RAD51C: variants seen among roughly 807,000 people sequenced by gnomAD.
RAD51C encodes RAD51 paralog C.
RAD51C carries 42 observed loss-of-function variants against 45.0 expected under a neutral mutation model. The ratio of observed to expected loss-of-function variants is 0.93; its 90% CI spans 0.73 to 1.21. The LOEUF is 1.21. Among genes scored for constraint, RAD51C ranks in the 50% most tolerant of loss-of-function variants. The pLI is 0.00. For synonymous variants in RAD51C, 172 were observed against 159.8 expected, an observed-to-expected ratio of 1.08 and a Z score of -0.58; for missense variants, 474 against 452.2, an observed-to-expected ratio of 1.05 and a Z score of -0.44.
intron 7 of RAD51C, among the ~76,000 whole-genome samples, chr17:58,729,729 A>G (rs936535547): frequency 6.6e-6 from 1 of 150,524 alleles, no homozygotes; most frequent in African/African-American, 2.4e-5. Context: ...GCGCCACCAC[A>G]CTTGGCTAAC....
chr17:58,696,200 A>G (rs2047999540), intron 2 of RAD51C, among the ~76,000 whole-genome samples: 1 of 152,188 alleles, frequency 6.6e-6, no homozygotes, highest in Middle Eastern at 3.2e-3. Context: ...TGGGAGGCCA[A>G]GGCAGGCAGA....
chr17:58,730,133 A>G (rs2049354315), intron 7 of RAD51C, among the ~76,000 whole-genome samples: 3 of 151,852 alleles, frequency 2.0e-5, no homozygotes, highest in South Asian at 2.1e-4. Flanking sequence ...GGGAATTATA[A>G]AAGTTTATAA....
At chr17:58,718,232 A>G (rs2048805180) in intron 5 of RAD51C, among the ~76,000 whole-genome samples, 1 of 152,106 alleles carries the variant, frequency 6.6e-6, no homozygotes, top group Admixed American at 6.6e-5. Context: ...TCCTGACCTC[A>G]GGTGATCTAC....
intron 7 of RAD51C, among the ~76,000 whole-genome samples, chr17:58,726,658 GTA>G (rs2049163195): frequency 6.7e-6 from 1 of 149,316 alleles, no homozygotes; most frequent in African/African-American, 2.5e-5. Context: ...ACGTATAGAT[GTA>G]TATACATATA....
At chr17:58,697,069 T>C (rs1426097104) in intron 3 of RAD51C, among the ~76,000 whole-genome samples, 2 of 152,186 alleles carry the variant, frequency 1.3e-5, no homozygotes, top group African/African-American at 4.8e-5. Context: ...GGCCCTCACT[T>C]CTTCCTGTAG....
rs876659188 is a variant in RAD51C, at chr17:58,709,877, G to A, written c.724G>A (p.Asp242Asn). 1 of 1,608,794 alleles carries A rather than the reference G, an allele frequency of 6.2e-7. No homozygotes were observed. Among genetic ancestry groups the A allele is most frequent in the Non-Finnish European group, 8.5e-7 (1 of 1,175,334 alleles). Residue 242 changes from aspartate to asparagine, a missense_variant, in exon 5 of 9, where the codon GAT becomes AAT. Coordinates refer to ENST00000337432, the MANE Select transcript of RAD51C (RefSeq NM_058216.3). ...EHSKVRLVIV[D>N]GIAFPFRHDL... The stretch of plus-strand genomic sequence containing the variant: ...TATTTAGGTTCGACTAGTGATAGTG[G>A]ATGGTATTGCTTTTCCATTTCGTCA...
rs71143275 is a variant in RAD51C at position 58,696,071 on chromosome 17, G to GA, written c.405-610dup. On this transcript the variant is annotated intron_variant, in intron 2 of 8. Coordinates refer to ENST00000337432, the MANE Select transcript of RAD51C (RefSeq NM_058216.3). ...GACAGAGCAAGACTCTGTCTCAAAA[G>GA]AAAAAAAAAAAAGGTAGATTTATGT... Among the ~76,000 whole-genome samples the GA allele has an allele frequency of 5.8e-4, 77 of 132,344 alleles. No individual in the cohort carries two copies. In the Middle Eastern group the frequency reaches 0.013, roughly 22 times the overall value. The allele number at this position is 132,344 out of a possible 152,430, so 86.8% of individuals were successfully genotyped here. A position where few individuals can be genotyped will look rare whatever the true frequency, so the allele number is the denominator to read the frequency against.
chr17:58,710,500 C>CAA lies in RAD51C; in HGVS notation c.837+524_837+525dup, dbSNP rs11421621. Among the ~76,000 whole-genome samples, 171 of 86,960 alleles carry CAA rather than the reference C, an allele frequency of 2.0e-3. 4 individuals are homozygous for CAA. The East Asian group carries it at 0.035, about 18-fold the overall frequency. The allele number at this position is 86,960 out of a possible 152,430, so 57.0% of individuals were successfully genotyped here. Reference sequence around the variant, plus strand: ...GCAGCAGCAAGACTCCGTCTCAAGGCAAAAAAAAAAAAAAAGGACTTTGTT... The same window carrying CAA: ...GCAGCAGCAAGACTCCGTCTCAAGGCAAAAAAAAAAAAAAAAAGGACTTTGTT... On this transcript the variant is annotated intron_variant, in intron 5 of 8. Transcript: ENST00000337432.
At chr17:58,733,785 C>G (rs2049541477) in intron 8 of RAD51C, among the ~76,000 whole-genome samples, 1 of 152,172 alleles carries the variant, frequency 6.6e-6, no homozygotes, top group Non-Finnish European at 1.5e-5. Flanking sequence ...GTGGCACAAT[C>G]TTGTCTCACT....
At chr17:58,707,270 G>A (rs1303554216) in intron 4 of RAD51C, among the ~76,000 whole-genome samples, 1 of 152,100 alleles carries the variant, frequency 6.6e-6, no homozygotes, top group African/African-American at 2.4e-5. Context: ...TGTAATCCCA[G>A]CACTTTGGGA....
intron 7 of RAD51C, among the ~76,000 whole-genome samples, chr17:58,724,691 A>G (rs2049052657): frequency 6.6e-6 from 1 of 152,126 alleles, no homozygotes; most frequent in South Asian, 2.1e-4. Context: ...AAAGCTGCTG[A>G]GCAAGTGAAC....
intron 5 of RAD51C, among the ~76,000 whole-genome samples, chr17:58,711,535 G>A (rs923341133): frequency 3.9e-5 from 6 of 151,956 alleles, no homozygotes; most frequent in Non-Finnish European, 8.8e-5. Context: ...ATCAGGGCTC[G>A]CCACAGCCTC....
At chr17:58,710,658 T>C (rs2048529347) in intron 5 of RAD51C, among the ~76,000 whole-genome samples, 2 of 152,186 alleles carry the variant, frequency 1.3e-5, no homozygotes, top group South Asian at 4.1e-4. Flanking sequence ...ATGTGGTATG[T>C]AATCACAGAT....
chr17:58,706,566 C>A (rs1388033871), intron 4 of RAD51C: 1 of 461,520 alleles, frequency 2.2e-6, no homozygotes, highest in Non-Finnish European at 4.5e-6. Flanking sequence ...GGGCCCCACC[C>A]TCTGAAACCA....
chr17:58,700,983 A>C (rs2048193005), intron 3 of RAD51C, among the ~76,000 whole-genome samples: 1 of 151,362 alleles, frequency 6.6e-6, no homozygotes, highest in Non-Finnish European at 1.5e-5. Context: ...TGCAGCCTTG[A>C]CCTCCCTGGG....
intron 5 of RAD51C, among the ~76,000 whole-genome samples, chr17:58,718,988 C>T (rs368158836): frequency 6.6e-6 from 1 of 152,018 alleles, no homozygotes; most frequent in African/African-American, 2.4e-5. Flanking sequence ...TTTGGGAGGC[C>T]GAGGTGGGTG....
In RAD51C at chr17:58,695,090, C is replaced by G. The variant is rs755106004; in HGVS notation, c.305C>G (p.Thr102Ser). 6.2e-7 allele frequency: 1 copy of G among 1,614,074 alleles called. No individual in the cohort carries two copies. The highest frequency in any genetic ancestry group is 8.5e-7 in the Non-Finnish European group (1 of 1,180,016). Residue 102 changes from threonine to serine, a missense_variant, in exon 2 of 9, where the codon ACC (threonine) becomes AGC (serine). By Grantham distance (58) the Thr-to-Ser change is moderately conservative. Transcript: ENST00000337432. ...GAGCATACCCAGGGCTTCATAATCA[C>G]CTTCTGTTCAGCACTAGATGATATT... The part of the protein sequence containing the change: ...EQEHTQGFII[T>S]FCSALDDILG...
At chr17:58,711,831 T>A (rs1247019035) in intron 5 of RAD51C, among the ~76,000 whole-genome samples, 1 of 152,068 alleles carries the variant, frequency 6.6e-6, no homozygotes, top group Non-Finnish European at 1.5e-5. Flanking sequence ...CTCTCTTACT[T>A]TATAATTTCT....
At chr17:58,717,442 T>C (rs1356045754) in intron 5 of RAD51C, among the ~76,000 whole-genome samples, 1 of 151,376 alleles carries the variant, frequency 6.6e-6, no homozygotes, top group Non-Finnish European at 1.5e-5. Flanking sequence ...AAAACTATTC[T>C]TAAGAAAAGC....
Sources: gnomAD v4.1 joint callset for allele counts (sites outside exome capture counted in the v4.1 genomes callset) on GRCh38, gnomAD v4.1.1 for gene constraint, MANE v1.5 for transcripts, NCBI Gene and HGNC (gene_info 2026-07-23, HGNC 2026-07-21) for gene names.